The following ABHD18 variants were observed in gnomAD, a reference collection of about 807,000 sequenced individuals.
ABHD18 encodes the protein cardiolipin-specific deacylase, mitochondrial.
A neutral mutation model predicts 65.9 loss-of-function variants in ABHD18; 55 were observed. That is an observed-to-expected ratio of 0.84 (90% CI 0.67 to 1.05). ABHD18 has a LOEUF of 1.05. ABHD18 is among the 50% of genes least tolerant of loss of function. The pLI, the probability that ABHD18 is intolerant of heterozygous loss-of-function variation, is 0.00. For synonymous variants in ABHD18, 181 were observed against 180.2 expected (o/e 1.00, Z -0.04); for missense variants, 533 against 558.5 (o/e 0.95, Z 0.46).
intron 12 of ABHD18, among the ~76,000 whole-genome samples, chr4:128,031,606 TAAA>T (rs887087233): frequency 6.6e-6 from 1 of 152,120 alleles, no homozygotes; most frequent in Non-Finnish European, 1.5e-5. Flanking sequence ...ACATAAGTGT[TAAA>T]AAAAACTTCC....
chr4:128,038,282 T>G lies in ABHD18; in HGVS notation c.*2469T>G, dbSNP rs1287216353. On this transcript the variant is annotated 3_prime_UTR_variant, in exon 13 of 13. Coordinates refer to ENST00000645843, the MANE Select transcript of ABHD18 (RefSeq NM_001358451.3). The stretch of plus-strand genomic sequence containing the variant: ...TTTAGTTTTAACCAAAAGTATAACA[T>G]CTACTAAAGTTCTTCCACAAAATAC... The G allele has an allele frequency of 6.6e-6, 1 of 152,196 alleles. No individual in the cohort carries two copies. Among genetic ancestry groups the G allele is most frequent in the South Asian group, 2.1e-4 (1 of 4,834 alleles). The allele number at this position is 152,196 out of a possible 1,614,324, so 9.4% of individuals were successfully genotyped here.
chr4:128,018,965 G>A (rs1048705033), intron 8 of ABHD18, among the ~76,000 whole-genome samples: 1 of 142,780 alleles, frequency 7.0e-6, no homozygotes, highest in Non-Finnish European at 1.5e-5. Flanking sequence ...AGTGAGCTGA[G>A]ATCGCACCAC....
chr4:128,029,243 C>T (rs1042466548), intron 11 of ABHD18, among the ~76,000 whole-genome samples: 1 of 151,876 alleles, frequency 6.6e-6, no homozygotes, highest in African/African-American at 2.4e-5. Flanking sequence ...CCTGTAGTTC[C>T]AGCTACTTGG....
chr4:128,004,984 T>C (rs1753358629), intron 4 of ABHD18, among the ~76,000 whole-genome samples: 1 of 151,884 alleles, frequency 6.6e-6, no homozygotes, highest in Non-Finnish European at 1.5e-5. Flanking sequence ...ATCCCAGCAC[T>C]TTGGGAGGCC....
Position 128,013,047 on chromosome 4 carries a change from A to C in ABHD18, c.470+1347A>C, listed in dbSNP as rs114247866. Reference sequence around the variant, plus strand: ...TGCTGCTGCATCCAGCCTAGACGACAGAGCAAGACTCCATCCCAAAAAAAA... The same window carrying C: ...TGCTGCTGCATCCAGCCTAGACGACCGAGCAAGACTCCATCCCAAAAAAAA... On this transcript the variant is annotated intron_variant, in intron 7 of 12. Coordinates refer to ENST00000645843, the MANE Select transcript of ABHD18 (RefSeq NM_001358451.3). Among the ~76,000 whole-genome samples the C allele has an allele frequency of 7.2e-3, 1,034 of 144,546 alleles. 13 individuals carry two copies. The highest frequency in any genetic ancestry group is 0.013 in the Non-Finnish European group (879 of 66,660). The allele number at this position is 144,546 out of a possible 152,430, so 94.8% of individuals were successfully genotyped here.
chr4:128,016,894 A>G lies in ABHD18; in HGVS notation c.471-469A>G, dbSNP rs191230499. On this transcript the variant is annotated intron_variant, in intron 7 of 12. Transcript: ENST00000645843. ...TTTTAGGTGATTTGATATGTAATCC[A>G]ATGTTAGCAGCTGTGTAATTCTATT... Among the ~76,000 whole-genome samples the G allele has an allele frequency of 3.0e-3, 454 of 152,240 alleles. 3 individuals carry two copies. The highest frequency in any genetic ancestry group is 0.011 in the African/African-American group (437 of 41,558).
chr4:128,023,083 T>C (rs535698600), intron 10 of ABHD18, among the ~76,000 whole-genome samples: 43 of 152,118 alleles, frequency 2.8e-4, no homozygotes, highest in Middle Eastern at 3.4e-3. Context: ...TTTTCATGAA[T>C]TTAAATTTTT....
intron 11 of ABHD18, among the ~76,000 whole-genome samples, chr4:128,029,250 T>G (rs1757847233): frequency 1.3e-5 from 2 of 151,902 alleles, no homozygotes; most frequent in South Asian, 4.1e-4. Context: ...TTCCAGCTAC[T>G]TGGGAGGCTG....
intron 2 of ABHD18, among the ~76,000 whole-genome samples, chr4:127,983,756 T>G (rs1015462913): frequency 1.3e-5 from 2 of 152,036 alleles, no homozygotes; most frequent in Non-Finnish European, 2.9e-5. Flanking sequence ...TCCTAGCTAC[T>G]CAAGAGGCTG....
intron 4 of ABHD18, among the ~76,000 whole-genome samples, chr4:128,002,357 G>A (rs189101118): frequency 4.9e-4 from 74 of 150,878 alleles, no homozygotes; most frequent in Middle Eastern, 7.0e-3. Context: ...TCAGCTGACT[G>A]CAACCTCTGC....
intron 4 of ABHD18, among the ~76,000 whole-genome samples, chr4:127,997,490 G>A (rs1751933544): frequency 6.6e-6 from 1 of 152,226 alleles, no homozygotes; most frequent in African/African-American, 2.4e-5. Flanking sequence ...GGGTGGGGTA[G>A]AAGGAATACT....
chr4:127,967,382 C>T (rs1745824277), intron 1 of ABHD18, among the ~76,000 whole-genome samples: 1 of 152,146 alleles, frequency 6.6e-6, no homozygotes, highest in Non-Finnish European at 1.5e-5. Flanking sequence ...TAAGCCTGTG[C>T]TCTTTACCAC....
intron 12 of ABHD18, among the ~76,000 whole-genome samples, chr4:128,033,901 AT>A (rs1488446561): frequency 6.6e-6 from 1 of 151,412 alleles, no homozygotes; most frequent in Non-Finnish European, 1.5e-5. Flanking sequence ...GGGATACAAA[AT>A]TAATATCTGA....
chr4:128,000,096 G>A (rs1000114808), intron 4 of ABHD18, among the ~76,000 whole-genome samples: 57 of 152,228 alleles, frequency 3.7e-4, no homozygotes, highest in African/African-American at 1.3e-3. Context: ...CGAACAACAT[G>A]GGAAAGACCT....
chr4:127,977,220 C>G (rs112317060), intron 1 of ABHD18, among the ~76,000 whole-genome samples: 17 of 152,166 alleles, frequency 1.1e-4, no homozygotes, highest in African/African-American at 3.6e-4. Flanking sequence ...CGCCTGTAAT[C>G]CCAGCCCTTT....
chr4:128,039,824 G>C lies in ABHD18; in HGVS notation c.*4011G>C, dbSNP rs1759196030. ...GTATATGTTCCCTCTTTGTTATTAT[G>C]CCCTAAACAAGGTAAGACAGAAATA... is the stretch of plus-strand genomic sequence containing the variant. On this transcript the variant is annotated 3_prime_UTR_variant, in exon 13 of 13. Transcript: ENST00000645843. 6.6e-6 allele frequency: 1 copy of C among 151,862 alleles called. No homozygotes were observed. 9.4% of individuals were successfully genotyped at this position (151,862 alleles called of 1,614,324 possible). A position where few individuals can be genotyped will look rare whatever the true frequency, so the allele number is the denominator to read the frequency against.
At chr4:128,027,615 A>C (rs531672294) in intron 10 of ABHD18, among the ~76,000 whole-genome samples, 1 of 152,288 alleles carries the variant, frequency 6.6e-6, no homozygotes, top group South Asian at 2.1e-4. Context: ...CATGTTGGCC[A>C]GGATGGTGTC....
intron 12 of ABHD18, among the ~76,000 whole-genome samples, chr4:128,033,890 T>C (rs1758562938): frequency 6.6e-6 from 1 of 151,412 alleles, no homozygotes; most frequent in African/African-American, 2.4e-5. Flanking sequence ...GTTGAACAAG[T>C]GGGATACAAA....
chr4:127,989,726 A>G lies in ABHD18; in HGVS notation c.183A>G (p.Glu61=), dbSNP rs1750605230. Residue 61 remains glutamate (E), a synonymous_variant, in exon 4 of 13, where the codon GAA becomes GAG. Coordinates refer to ENST00000645843, the MANE Select transcript of ABHD18 (RefSeq NM_001358451.3). ...SDYPVHIDKI[E]EQSDCKILDG... ...TGGTTTTGATTTTCTTTTAGATTGA[A>G]GAGCAATCAGATTGTAAGATCTTAG... The G allele has an allele frequency of 6.3e-7, 1 of 1,576,912 alleles. No homozygotes were observed. Among genetic ancestry groups the G allele is most frequent in the South Asian group, 1.2e-5 (1 of 84,264 alleles).
Sources: allele counts gnomAD v4.1 joint callset (sites outside exome capture counted in the v4.1 genomes callset), GRCh38; gene constraint gnomAD v4.1.1; transcripts MANE v1.5; gene names NCBI Gene and HGNC (gene_info 2026-07-23, HGNC 2026-07-21).